C16orf74: variants seen among roughly 807,000 people sequenced by gnomAD.
The protein encoded by C16orf74 is uncharacterized protein C16orf74.
C16orf74 carries 10 observed loss-of-function variants against 6.5 expected under a neutral mutation model. That is an observed-to-expected ratio of 1.54 (90% CI 0.95 to 2.61). The LOEUF (loss-of-function observed/expected upper bound fraction) is 2.61, where lower values mean the gene tolerates loss of function less well. Ranked by LOEUF, C16orf74 falls within the 30% of genes most tolerant of loss-of-function variation. The probability of loss-of-function intolerance (pLI) is 0.00; values close to 1 mark genes in which losing one functional copy is unlikely to be tolerated. For missense variants in C16orf74, 141 were observed against 105.9 expected (o/e 1.33, Z -1.45); for synonymous variants, 60 against 42.5 (o/e 1.41, Z -1.60).
At chr16:85,745,858 T>C (rs2054367912) in intron 1 of C16orf74, among the ~76,000 whole-genome samples, 1 of 152,216 alleles carries the variant, frequency 6.6e-6, no homozygotes, top group Non-Finnish European at 1.5e-5. Context: ...CTCCAACGTT[T>C]GCCGATTCCC....
At chr16:85,740,431 G>A (rs1226280087) in intron 1 of C16orf74, among the ~76,000 whole-genome samples, 6 of 151,154 alleles carry the variant, frequency 4.0e-5, no homozygotes, top group East Asian at 2.0e-4. Flanking sequence ...GGCCGGGCGC[G>A]GTGGCTCACG....
At chr16:85,739,989 C>G (rs1046241133) in intron 1 of C16orf74, among the ~76,000 whole-genome samples, 1 of 151,230 alleles carries the variant, frequency 6.6e-6, no homozygotes, top group Non-Finnish European at 1.5e-5. Context: ...GCGGGTGGAT[C>G]GCCTGAGGTC....
chr16:85,732,665 CA>C (rs66539936), intron 2 of C16orf74, among the ~76,000 whole-genome samples: 42 of 44,162 alleles, frequency 9.5e-4, no homozygotes, highest in East Asian at 4.6e-3. Flanking sequence ...GACTCTGTCT[CA>C]AAAAAAAAAA....
At chr16:85,730,346 T>C (rs1005298497) in intron 2 of C16orf74, among the ~76,000 whole-genome samples, 1 of 152,128 alleles carries the variant, frequency 6.6e-6, no homozygotes, top group Non-Finnish European at 1.5e-5. Context: ...TTCCTCTCCT[T>C]GGTCCTCAAC....
At chr16:85,744,464 A>C (rs1246249581) in intron 1 of C16orf74, among the ~76,000 whole-genome samples, 1 of 152,034 alleles carries the variant, frequency 6.6e-6, no homozygotes, top group Non-Finnish European at 1.5e-5. Flanking sequence ...TCCCGTTGAA[A>C]TATCAGATTG....
At chr16:85,731,715 T>A (rs1305007325) in intron 2 of C16orf74, among the ~76,000 whole-genome samples, 1 of 150,974 alleles carries the variant, frequency 6.6e-6, no homozygotes, top group Non-Finnish European at 1.5e-5. Flanking sequence ...TGAGACAGGG[T>A]CTGGCTCTGT....
rs755292101 is a variant in C16orf74, at chr16:85,710,285, G to T, written c.51C>A (p.Ser17Arg). Reference protein sequence around the residue: ...CLKGFQMCVSSSSSSHDEAPV... With the variant: ...CLKGFQMCVSRSSSSHDEAPV... ...GGGCCTCGTCGTGGCTGCTGCTGCT[G>T]CTGCTGACACACATTTGAAAGCCTG... The change falls in exon 3 of 4, where the codon AGC becomes AGA. Residue 17 changes from serine to arginine, a missense_variant. Coordinates refer to ENST00000284245, the MANE Select transcript of C16orf74 (RefSeq NM_206967.3). The T allele has an allele frequency of 1.6e-5, 24 of 1,512,102 alleles. 1 individual carries two copies. The East Asian group carries it at 6.4e-4, about 41-fold the overall frequency. The allele number at this position is 1,512,102 out of a possible 1,614,324, so 93.7% of individuals were successfully genotyped here.
chr16:85,709,355 AAAAAATAAATAAAT>A (rs2053944127), intron 3 of C16orf74, among the ~76,000 whole-genome samples: 1 of 152,170 alleles, frequency 6.6e-6, no homozygotes, highest in African/African-American at 2.4e-5. Flanking sequence ...CTCCATCTCA[AAAAAATAAATAAAT>A]ACAAATAATA....
intron 2 of C16orf74, among the ~76,000 whole-genome samples, chr16:85,715,642 C>A (rs1455991025): frequency 6.6e-6 from 1 of 152,186 alleles, no homozygotes; most frequent in Admixed American, 6.5e-5. Context: ...TGGAAATGAA[C>A]GAGCATGACT....
rs543994573 is a variant in C16orf74 at position 85,718,985 on chromosome 16, G to C, written c.29-8678C>G. Among the ~76,000 whole-genome samples the C allele has an allele frequency of 2.6e-5, 4 of 152,340 alleles. No individual in the cohort carries two copies. In the East Asian group the frequency reaches 7.7e-4, roughly 29 times the overall value. On this transcript the variant is annotated intron_variant, in intron 2 of 3. Transcript: ENST00000284245. The stretch of plus-strand genomic sequence containing the variant: ...ATTCCTGGTTCCAGCCTGACTCTTG[G>C]GGCACAATTTTCCCTTATTCTATGG...
rs181513118 is a variant in C16orf74 at position 85,731,287 on chromosome 16, A to G, written c.28+3903T>C. On this transcript the variant is annotated intron_variant, in intron 2 of 3. Coordinates refer to ENST00000284245, the MANE Select transcript of C16orf74 (RefSeq NM_206967.3). ...AACGAACATGTGAGGCCCATTGTTC[A>G]ATATGTATTAAGAGCATTAAACTGA... is the stretch of plus-strand genomic sequence containing the variant. Among the ~76,000 whole-genome samples the G allele has an allele frequency of 4.1e-3, 627 of 152,376 alleles. 1 individual carries two copies. Among genetic ancestry groups the G allele is most frequent in the Non-Finnish European group, 3.9e-3 (264 of 68,040 alleles).
At position 85,733,509 on chromosome 16, in the gene C16orf74, C is replaced by T. The variant is rs116579514; in HGVS notation, c.28+1681G>A. On this transcript the variant is annotated intron_variant, in intron 2 of 3. Coordinates refer to ENST00000284245, the MANE Select transcript of C16orf74 (RefSeq NM_206967.3). ...CACAACACTGTGAACGTGCTTAATG[C>T]CACTAACCTTGTACACTTCATGGTT... Among the ~76,000 whole-genome samples the T allele has an allele frequency of 9.1e-3, 1,389 of 152,260 alleles. 23 individuals carry two copies. The highest frequency in any genetic ancestry group is 0.032 in the African/African-American group (1,334 of 41,552).
At chr16:85,731,536 TC>T (rs1324075986) in intron 2 of C16orf74, among the ~76,000 whole-genome samples, 1 of 152,100 alleles carries the variant, frequency 6.6e-6, no homozygotes, top group Admixed American at 6.5e-5. Flanking sequence ...GGCGGGTCCC[TC>T]CTCCTGGTGC....
chr16:85,741,569 G>A (rs446444), intron 1 of C16orf74: 164,502 of 170,392 alleles, frequency 0.97, 79,689 homozygotes, highest in East Asian at 1. Context: ...GAACTCCCAC[G>A]TGGAGAGTTT....
In C16orf74 at chr16:85,740,025, C is replaced by T. The variant is rs370741497; in HGVS notation, c.-18-4790G>A. On this transcript the variant is annotated intron_variant, in intron 1 of 3. Transcript: ENST00000284245. ...AGGAGTTCGAGACCAGCCTGGCCAA[C>T]ATGGTGAAACCCCGTCTCTACTAAA... Among the ~76,000 whole-genome samples, 165 of 151,612 alleles carry T rather than the reference C, an allele frequency of 1.1e-3. 4 individuals are homozygous for T. The South Asian group carries it at 0.033, about 31-fold the overall frequency.
rs953041520 is a variant in C16orf74, at chr16:85,707,669, C to T, written c.*339G>A. ...CTTATGGCAGGGGCATGTGTTTGCA[C>T]AGCCCTGGGGGCTGGGAGGGTGTGT... is the stretch of plus-strand genomic sequence containing the variant. On this transcript the variant is annotated 3_prime_UTR_variant, in exon 4 of 4. Transcript: ENST00000284245. 2 of 282,158 alleles carry T rather than the reference C, an allele frequency of 7.1e-6. No individual in the cohort carries two copies. Among genetic ancestry groups the T allele is most frequent in the Admixed American group, 5.2e-5 (1 of 19,230 alleles). 17.5% of individuals were successfully genotyped at this position (282,158 alleles called of 1,614,324 possible). A position where few individuals can be genotyped will look rare whatever the true frequency, so the allele number is the denominator to read the frequency against.
intron 1 of C16orf74, among the ~76,000 whole-genome samples, chr16:85,748,099 T>A (rs1338198169): frequency 1.5e-5 from 1 of 64,676 alleles, no homozygotes; most frequent in East Asian, 2.5e-4. Flanking sequence ...AAAATATATA[T>A]ATATATACAT....
chr16:85,718,816 G>A lies in C16orf74; in HGVS notation c.29-8509C>T, dbSNP rs182548453. Among the ~76,000 whole-genome samples the A allele has an allele frequency of 1.4e-3, 220 of 152,364 alleles. 3 individuals are homozygous for A. Among genetic ancestry groups the A allele is most frequent in the Admixed American group, 0.01 (154 of 15,310 alleles). On this transcript the variant is annotated intron_variant, in intron 2 of 3. Transcript: ENST00000284245. Reference sequence around the variant, plus strand: ...CACGTGATTTGAACTGCAGGTGTAAGTGTCCTCAGGGCACTTATTCATTGA... The same window carrying A: ...CACGTGATTTGAACTGCAGGTGTAAATGTCCTCAGGGCACTTATTCATTGA...
At chr16:85,710,543 T>A (rs969969252) in intron 2 of C16orf74, 1 of 489,336 alleles carries the variant, frequency 2.0e-6, no homozygotes, top group Non-Finnish European at 3.5e-6. Flanking sequence ...TTTTGGGAAA[T>A]GCTGATCATA....
Sources: gnomAD v4.1 joint callset for allele counts (sites outside exome capture counted in the v4.1 genomes callset) on GRCh38, gnomAD v4.1.1 for gene constraint, MANE v1.5 for transcripts, NCBI Gene and HGNC (gene_info 2026-07-23, HGNC 2026-07-21) for gene names.